The following CARMIL1 variants were observed in gnomAD, a reference collection of about 807,000 sequenced individuals.
CARMIL1 encodes F-actin-uncapping protein LRRC16A.
CARMIL1 carries 90 observed loss-of-function variants against 177.1 expected under a neutral mutation model. The observed-to-expected ratio is 0.51, with a 90% CI of 0.43 to 0.61. CARMIL1 has a LOEUF of 0.61. Among genes scored for constraint, CARMIL1 ranks in the 20% least tolerant of loss-of-function variants. CARMIL1 has a pLI of 0.00. For synonymous variants in CARMIL1, 577 were observed against 606.2 expected, an observed-to-expected ratio of 0.95 and a Z score of 0.71; for missense variants, 1,380 against 1,667.0, an observed-to-expected ratio of 0.83 and a Z score of 3.00.
chr6:25,472,788 A>G (rs1386816149), intron 11 of CARMIL1, among the ~76,000 whole-genome samples: 1 of 152,248 alleles, frequency 6.6e-6, no homozygotes, highest in East Asian at 1.9e-4. Flanking sequence ...CCTGCATAAC[A>G]AATTACCACA....
At chr6:25,481,796 A>G (rs964663) in intron 11 of CARMIL1, among the ~76,000 whole-genome samples, 12 of 152,372 alleles carry the variant, frequency 7.9e-5, no homozygotes, top group African/African-American at 2.6e-4. Flanking sequence ...CTATAAGCCA[A>G]TTAAGTATAG....
At chr6:25,524,641 G>C (rs1042831029) in intron 23 of CARMIL1, among the ~76,000 whole-genome samples, 1 of 152,152 alleles carries the variant, frequency 6.6e-6, no homozygotes, top group Admixed American at 6.5e-5. Context: ...ACAAGCATCA[G>C]AACGAGACTT....
chr6:25,449,890 T>A lies in CARMIL1; in HGVS notation c.372-8T>A. ...TTGTGAAATGTGTTGTTGTTGTTGA[T>A]CTTACAGGAGAATCATGAAAAAAGT... On this transcript the variant is annotated splice_polypyrimidine_tract_variant and splice_region_variant and intron_variant, in intron 5 of 36. Transcript: ENST00000329474. 1 of 1,570,244 alleles carries A rather than the reference T, an allele frequency of 6.4e-7. No homozygotes were observed. The highest frequency in any genetic ancestry group is 8.7e-7 in the Non-Finnish European group (1 of 1,146,980).
chr6:25,471,284 A>T (rs1420733309), intron 10 of CARMIL1, 27 bp downstream of exon 10: 1 of 1,523,040 alleles, frequency 6.6e-7, no homozygotes, highest in Non-Finnish European at 9.0e-7. Context: ...ATATATAAAT[A>T]TGTTGCTTTA....
rs1051529970 is a variant in CARMIL1, at chr6:25,326,484, A to G, written c.138+41575A>G. On this transcript the variant is annotated intron_variant, in intron 2 of 36. Coordinates refer to ENST00000329474, the MANE Select transcript of CARMIL1 (RefSeq NM_017640.6). This position sits in a 1 kb window ranked among gnomAD's most constrained non-coding sequence, Gnocchi z 4.2. ...AGTAGAGCATTACACTGTTAACAGTAGTGGGAGTGAGAGGTCAGGCTTGGT... is the reference window on the plus strand; with the variant it reads ...AGTAGAGCATTACACTGTTAACAGTGGTGGGAGTGAGAGGTCAGGCTTGGT... Among the ~76,000 whole-genome samples, 1 of 152,222 alleles carries G rather than the reference A, an allele frequency of 6.6e-6. No individual in the cohort carries two copies. Among genetic ancestry groups the G allele is most frequent in the Non-Finnish European group, 1.5e-5 (1 of 68,030 alleles).
intron 4 of CARMIL1, among the ~76,000 whole-genome samples, chr6:25,434,633 C>T (rs1003191177): frequency 1.3e-5 from 2 of 150,942 alleles, no homozygotes; most frequent in Admixed American, 6.6e-5. Context: ...AAGCGAATCT[C>T]GTGCCTCAGC....
At chr6:25,382,731 A>G (rs1249156690) in intron 2 of CARMIL1, among the ~76,000 whole-genome samples, 1 of 152,066 alleles carries the variant, frequency 6.6e-6, no homozygotes. Flanking sequence ...GCATTTTTAC[A>G]GAGTGCTGAT....
intron 6 of CARMIL1, 112 bp downstream of exon 6, chr6:25,450,107 G>A (rs1487664993): frequency 1.9e-5 from 17 of 909,830 alleles, no homozygotes; most frequent in East Asian, 2.6e-5. Flanking sequence ...GTTTCAAGGT[G>A]TAATTAGCAG....
At chr6:25,297,515 A>ATC (rs983563616) in intron 2 of CARMIL1, among the ~76,000 whole-genome samples, 6 of 151,982 alleles carry the variant, frequency 3.9e-5, no homozygotes, top group South Asian at 2.1e-4. Flanking sequence ...TCTGTTCAAT[A>ATC]TCTCTCTCTC....
chr6:25,455,424 G>T (rs1799415565), intron 8 of CARMIL1, among the ~76,000 whole-genome samples: 1 of 152,202 alleles, frequency 6.6e-6, no homozygotes, highest in Non-Finnish European at 1.5e-5. Context: ...GGCTGTGTCT[G>T]TCTTGCTTAT....
At chr6:25,399,352 G>C (rs1650198257) in intron 2 of CARMIL1, among the ~76,000 whole-genome samples, 2 of 152,314 alleles carry the variant, frequency 1.3e-5, no homozygotes, top group South Asian at 2.1e-4. Flanking sequence ...TGCAACCCTT[G>C]CATTAGAGAA....
intron 8 of CARMIL1, among the ~76,000 whole-genome samples, chr6:25,458,214 T>C (rs1382661594): frequency 1.3e-5 from 2 of 152,134 alleles, no homozygotes; most frequent in Admixed American, 6.6e-5. Flanking sequence ...GTTTTTGCAT[T>C]TTAACTTTGT....
At chr6:25,510,790 A>G (rs947671376) in intron 20 of CARMIL1, 28 bp downstream of exon 20, 12 of 1,347,742 alleles carry the variant, frequency 8.9e-6, no homozygotes, top group Non-Finnish European at 1.2e-5. Context: ...CTTTTTACTA[A>G]AATCTTCTGT....
chr6:25,581,028 T>C, intron 30 of CARMIL1, 38 bp downstream of exon 30: 2 of 1,564,718 alleles, frequency 1.3e-6, no homozygotes, highest in Non-Finnish European at 1.7e-6. Context: ...TCCTTGGAAC[T>C]GTGAAGCACC....
At chr6:25,492,885 G>A (rs1803372208) in intron 15 of CARMIL1, among the ~76,000 whole-genome samples, 1 of 152,114 alleles carries the variant, frequency 6.6e-6, no homozygotes, top group Non-Finnish European at 1.5e-5. Context: ...TACTTCAATA[G>A]TGATTAAATC....
chr6:25,603,281 A>G (rs575718916), intron 33 of CARMIL1, among the ~76,000 whole-genome samples: 1 of 152,350 alleles, frequency 6.6e-6, no homozygotes, highest in Non-Finnish European at 1.5e-5. Context: ...CTTCCTTTTT[A>G]GGGGATCACT....
chr6:25,548,069 C>A (rs1198527736), intron 26 of CARMIL1, among the ~76,000 whole-genome samples: 1 of 152,162 alleles, frequency 6.6e-6, no homozygotes, highest in Non-Finnish European at 1.5e-5. Context: ...CGGGGAACTG[C>A]AACCATGATT....
At chr6:25,466,635 TCTAA>T (rs1186990085) in intron 9 of CARMIL1, among the ~76,000 whole-genome samples, 1 of 152,184 alleles carries the variant, frequency 6.6e-6, no homozygotes, top group Non-Finnish European at 1.5e-5. Flanking sequence ...CGTTTAAGCC[TCTAA>T]CTTTCAGAGG....
intron 26 of CARMIL1, among the ~76,000 whole-genome samples, chr6:25,543,582 T>C (rs976735093): frequency 2.6e-4 from 40 of 152,136 alleles, no homozygotes; most frequent in African/African-American, 9.2e-4. Flanking sequence ...GGACTTAAAG[T>C]CTAGGGTATT....
Sources: allele counts gnomAD v4.1 joint callset (sites outside exome capture counted in the v4.1 genomes callset), GRCh38; gene constraint gnomAD v4.1.1; non-coding constraint Gnocchi (gnomAD v3.1); transcripts MANE v1.5; gene names NCBI Gene and HGNC (gene_info 2026-07-23, HGNC 2026-07-21).